The following BIK variants were observed in gnomAD, a reference collection of about 807,000 sequenced individuals.
BIK encodes BCL2 interacting killer.
A neutral mutation model predicts 12.1 loss-of-function variants in BIK; 14 were observed. That is an observed-to-expected ratio of 1.16 (90% CI 0.77 to 1.81). The LOEUF is 1.81. Among genes scored for constraint, BIK ranks in the 40% most tolerant of loss-of-function variants. The pLI is 0.00. For synonymous variants in BIK, 86 were observed against 92.3 expected (o/e 0.93, Z 0.39); for missense variants, 215 against 207.9 (o/e 1.03, Z -0.21).
chr22:43,119,297 A>G (rs1930175338), intron 1 of BIK, among the ~76,000 whole-genome samples: 5 of 151,400 alleles, frequency 3.3e-5, no homozygotes, highest in South Asian at 2.1e-4. Flanking sequence ...AGTTTGCTGG[A>G]AAAAAAAAGA....
intron 1 of BIK, 85 bp from the exon 2 acceptor site, chr22:43,123,931 A>G (rs919145690): frequency 1.6e-5 from 23 of 1,452,732 alleles, no homozygotes; most frequent in African/African-American, 1.1e-4. Flanking sequence ...GAGTAGGGCT[A>G]TACAATCTGG....
At chr22:43,125,444 G>A (rs183145828) in intron 2 of BIK, among the ~76,000 whole-genome samples, 229 of 152,224 alleles carry the variant, frequency 1.5e-3, no homozygotes, top group African/African-American at 5.3e-3. Context: ...CGTGGCTCAT[G>A]CCTGTAATCC....
chr22:43,120,191 C>A (rs1164289735), intron 1 of BIK, among the ~76,000 whole-genome samples: 2 of 152,042 alleles, frequency 1.3e-5, no homozygotes, highest in African/African-American at 2.4e-5. Flanking sequence ...TGTGGCACAA[C>A]CCCCCACTTG....
chr22:43,126,047 G>GA (rs1272729950), intron 2 of BIK, among the ~76,000 whole-genome samples: 1 of 115,136 alleles, frequency 8.7e-6, no homozygotes, highest in African/African-American at 3.5e-5. Flanking sequence ...TTTTTTTTTT[G>GA]AGACAGAGTC....
At chr22:43,121,032 G>A (rs147633267) in intron 1 of BIK, among the ~76,000 whole-genome samples, 148 of 152,216 alleles carry the variant, frequency 9.7e-4, no homozygotes, top group African/African-American at 3.4e-3. Context: ...AAAATTAGCC[G>A]GGTGTGGTGG....
Position 43,124,034 on chromosome 22 carries a change from A to C in BIK, c.12A>C (p.Val4=). The change falls in exon 2 of 5, where the codon GTA becomes GTC. Residue 4 remains valine (V), a synonymous_variant. Transcript: ENST00000216115. MSE[V]RPLSRDILME... ...GCCCCAGAGGAGAAATGTCTGAAGT[A>C]AGACCCCTCTCCAGAGACATCTTGA... The C allele has an allele frequency of 6.2e-7, 1 of 1,614,142 alleles. No homozygotes were observed. The highest frequency in any genetic ancestry group is 8.5e-7 in the Non-Finnish European group (1 of 1,180,026).
chr22:43,116,165 T>C (rs1456499772), intron 1 of BIK, among the ~76,000 whole-genome samples: 2 of 152,346 alleles, frequency 1.3e-5, no homozygotes, highest in Admixed American at 1.3e-4. Flanking sequence ...AGGCTTCCCC[T>C]TTTTGGGGTC....
intron 1 of BIK, among the ~76,000 whole-genome samples, chr22:43,121,146 A>C (rs1930210849): frequency 6.6e-6 from 1 of 152,230 alleles, no homozygotes. Flanking sequence ...ACTGCACTCC[A>C]GCCTGGGCAA....
At position 43,127,606 on chromosome 22, in the gene BIK, C is replaced by T. The variant is rs569331542; in HGVS notation, c.162-91C>T. On this transcript the variant is annotated intron_variant, in intron 2 of 4. Coordinates refer to ENST00000216115, the MANE Select transcript of BIK (RefSeq NM_001197.5). ...CATCTCTTATCCTCTGGGCCACTCC[C>T]AGCTGCACACAATCCGTTGGCTGGG... is the stretch of plus-strand genomic sequence containing the variant. 4.1e-6 allele frequency: 5 copies of T among 1,206,222 alleles called. No individual in the cohort carries two copies. In the East Asian group the frequency reaches 1.0e-4, roughly 25 times the overall value. 74.7% of individuals were successfully genotyped at this position (1,206,222 alleles called of 1,614,324 possible).
chr22:43,128,383 T>G (rs1601734469), intron 3 of BIK, 113 bp from the exon 4 acceptor site: 1 of 1,356,796 alleles, frequency 7.4e-7, no homozygotes, highest in Admixed American at 1.9e-5. Context: ...GGCTGTGGGG[T>G]GGGAGGGCAC....
chr22:43,113,611 C>A (rs1883263), intron 1 of BIK, among the ~76,000 whole-genome samples: 115,750 of 151,910 alleles, frequency 0.76, 44,994 homozygotes, highest in East Asian at 1. Flanking sequence ...TACTCATAAC[C>A]GTGTACTTTT....
At chr22:43,113,219 A>G (rs1427116256) in intron 1 of BIK, among the ~76,000 whole-genome samples, 1 of 152,162 alleles carries the variant, frequency 6.6e-6, no homozygotes, top group African/African-American at 2.4e-5. Context: ...AAAATTTAAA[A>G]AAGCATCAAA....
intron 1 of BIK, among the ~76,000 whole-genome samples, chr22:43,111,942 A>G (rs923207631): frequency 1.3e-5 from 2 of 152,138 alleles, no homozygotes; most frequent in Non-Finnish European, 2.9e-5. Flanking sequence ...CTAGAAGCCA[A>G]GGGCCCTTTA....
At chr22:43,125,964 G>C (rs1930305942) in intron 2 of BIK, among the ~76,000 whole-genome samples, 2 of 151,838 alleles carry the variant, frequency 1.3e-5, no homozygotes, top group Non-Finnish European at 2.9e-5. Flanking sequence ...GCTATGTCCA[G>C]CACACGGCAG....
chr22:43,114,491 T>C (rs1403328724), intron 1 of BIK, among the ~76,000 whole-genome samples: 2 of 152,058 alleles, frequency 1.3e-5, no homozygotes, highest in Admixed American at 1.3e-4. Context: ...TTAATAGAGA[T>C]GGGGTTTCAC....
chr22:43,121,738 A>T (rs1930223469), intron 1 of BIK, among the ~76,000 whole-genome samples: 1 of 152,212 alleles, frequency 6.6e-6, no homozygotes, highest in Non-Finnish European at 1.5e-5. Flanking sequence ...AGTTCTGGAC[A>T]CAGTTCTTCT....
intron 3 of BIK, 84 bp downstream of exon 3, chr22:43,127,879 G>A (rs1206732880): frequency 7.6e-7 from 1 of 1,319,576 alleles, no homozygotes; most frequent in Non-Finnish European, 1.0e-6. Flanking sequence ...CACAGGGCTG[G>A]GCCCTGAGGA....
intron 4 of BIK, 126 bp from the exon 5 acceptor site, chr22:43,129,087 C>G (rs1376855484): frequency 1.3e-6 from 2 of 1,524,726 alleles, no homozygotes; most frequent in East Asian, 2.2e-5. Flanking sequence ...CCTTCCTTCT[C>G]TGGTCCCCTC....
chr22:43,124,845 T>A (rs4988421), intron 2 of BIK, among the ~76,000 whole-genome samples: 1 of 152,122 alleles, frequency 6.6e-6, no homozygotes, highest in East Asian at 1.9e-4. Flanking sequence ...TGACCCAAGG[T>A]TGCAAAAATG....
Sources: gnomAD v4.1 joint callset for allele counts (sites outside exome capture counted in the v4.1 genomes callset) on GRCh38, gnomAD v4.1.1 for gene constraint, MANE v1.5 for transcripts, NCBI Gene and HGNC (gene_info 2026-07-23, HGNC 2026-07-21) for gene names.